Variants in KCND2 observed in about 807,000 individuals in gnomAD.
The protein encoded by KCND2 is potassium voltage-gated channel subfamily D member 2.
KCND2 carries 16 observed loss-of-function variants against 54.4 expected under a neutral mutation model. The ratio of observed to expected loss-of-function variants is 0.29; its 90% confidence interval spans 0.20 to 0.45. The LOEUF (loss-of-function observed/expected upper bound fraction) is 0.45, where lower values mean the gene tolerates loss of function less well. Among genes scored for constraint, KCND2 ranks in the 20% least tolerant of loss-of-function variants. KCND2 has a pLI of 1.00. For synonymous variants in KCND2, 317 were observed against 310.7 expected (o/e 1.02, Z -0.21); for missense variants, 486 against 824.2 (o/e 0.59, Z 5.02).
intron 1 of KCND2, among the ~76,000 whole-genome samples, chr7:120,285,793 C>T (rs1799333067): frequency 6.6e-6 from 1 of 151,722 alleles, no homozygotes; most frequent in Non-Finnish European, 1.5e-5. Context: ...CAGAAGATAA[C>T]ACAATAAATA....
Position 120,732,885 on chromosome 7 carries a change from A to AT in KCND2, c.1116-12dup. 1 of 1,602,392 alleles carries AT rather than the reference A, an allele frequency of 6.2e-7. No individual in the cohort carries two copies. Among genetic ancestry groups the AT allele is most frequent in the Non-Finnish European group, 8.5e-7 (1 of 1,169,976 alleles). On this transcript the variant is annotated splice_polypyrimidine_tract_variant and intron_variant, in intron 1 of 5. Transcript: ENST00000331113. ...CTGTGACTTAAAACAATATATATAT[A>AT]TTTTTTCTTTAACTCAGGTATGGTG...
chr7:120,418,611 C>T (rs1418931823), intron 1 of KCND2, among the ~76,000 whole-genome samples: 2 of 152,078 alleles, frequency 1.3e-5, no homozygotes, highest in African/African-American at 4.8e-5. Context: ...TGGGTGGGGA[C>T]CCTGGCATGG....
chr7:120,566,152 G>T (rs1447475560), intron 1 of KCND2, among the ~76,000 whole-genome samples: 1 of 151,974 alleles, frequency 6.6e-6, no homozygotes, highest in East Asian at 1.9e-4. Context: ...CTGCCACATT[G>T]GCATTAATAA....
At chr7:120,557,935 A>C (rs1792184508) in intron 1 of KCND2, among the ~76,000 whole-genome samples, 1 of 152,160 alleles carries the variant, frequency 6.6e-6, no homozygotes, top group South Asian at 2.1e-4. Context: ...TAAATACCAA[A>C]TTCCAAACTC....
chr7:120,746,420 A>G (rs1215426411), intron 5 of KCND2, among the ~76,000 whole-genome samples: 2 of 152,186 alleles, frequency 1.3e-5, no homozygotes, highest in African/African-American at 4.8e-5. Context: ...GCTAAAAATT[A>G]TTGAACAGCA....
At chr7:120,537,334 C>T (rs997849761) in intron 1 of KCND2, among the ~76,000 whole-genome samples, 2 of 152,172 alleles carry the variant, frequency 1.3e-5, no homozygotes, top group African/African-American at 4.8e-5. Flanking sequence ...GCTGTAAACC[C>T]ATATGCTGTC....
At chr7:120,295,761 A>T (rs556052989) in intron 1 of KCND2, among the ~76,000 whole-genome samples, 1 of 152,164 alleles carries the variant, frequency 6.6e-6, no homozygotes, top group East Asian at 1.9e-4. Flanking sequence ...AAACTTTATG[A>T]ATTAAGTGAA....
intron 1 of KCND2, among the ~76,000 whole-genome samples, chr7:120,504,466 T>A (rs1802985795): frequency 2.0e-5 from 3 of 151,954 alleles, no homozygotes; most frequent in Non-Finnish European, 4.4e-5. Flanking sequence ...CTTCTTATTG[T>A]AAATACCTAA....
Position 120,460,275 on chromosome 7 carries a change from T to C in KCND2, c.1115+184528T>C, listed in dbSNP as rs535363161. ...GAATGTAATTTAATTCAAACAACAA[T>C]ATTACAGTTCTAAATTATTATCCCC... On this transcript the variant is annotated intron_variant, in intron 1 of 5. Coordinates refer to ENST00000331113, the MANE Select transcript of KCND2 (RefSeq NM_012281.3). 2.0e-5 allele frequency among the ~76,000 whole-genome samples: 3 copies of C among 152,250 alleles called. No homozygotes were observed. The East Asian group carries it at 5.8e-4, about 29-fold the overall frequency.
intron 1 of KCND2, among the ~76,000 whole-genome samples, chr7:120,690,678 A>G (rs1792257772): frequency 6.6e-6 from 1 of 152,200 alleles, no homozygotes. Flanking sequence ...AACAAGCTAT[A>G]TTCCTAATAA....
rs1491438680 is a variant in KCND2, at chr7:120,443,356, AAT to A, written c.1115+167611_1115+167612del. Among the ~76,000 whole-genome samples the A allele has an allele frequency of 5.1e-4, 41 of 79,968 alleles. No individual in the cohort carries two copies. The East Asian group carries it at 0.01, about 20-fold the overall frequency. The allele number at this position is 79,968 out of a possible 152,430, so 52.5% of individuals were successfully genotyped here. Reference sequence around the variant, plus strand: ...TCTCCAAGAAATAACAATAATAAATAATAATAATAATAATAATAATAATAATA... The same window carrying A: ...TCTCCAAGAAATAACAATAATAAATAAATAATAATAATAATAATAATAATA... On this transcript the variant is annotated intron_variant, in intron 1 of 5. Coordinates refer to ENST00000331113, the MANE Select transcript of KCND2 (RefSeq NM_012281.3).
chr7:120,505,287 A>C (rs1802996820), intron 1 of KCND2, among the ~76,000 whole-genome samples: 1 of 151,754 alleles, frequency 6.6e-6, no homozygotes. Flanking sequence ...CTTCCCCTTA[A>C]CATCTATCTT....
intron 1 of KCND2, among the ~76,000 whole-genome samples, chr7:120,293,636 T>C (rs749165017): frequency 4.6e-5 from 7 of 151,962 alleles, no homozygotes; most frequent in Admixed American, 1.3e-4. Flanking sequence ...GCAATCATCA[T>C]TATTATCATC....
intron 1 of KCND2, among the ~76,000 whole-genome samples, chr7:120,363,617 G>GTC (rs1333715599): frequency 6.6e-6 from 1 of 152,052 alleles, no homozygotes; most frequent in Admixed American, 6.6e-5. Flanking sequence ...CCTAACTTGT[G>GTC]TCTCTGCTCA....
chr7:120,391,008 A>G (rs1427194710), intron 1 of KCND2, among the ~76,000 whole-genome samples: 2 of 152,008 alleles, frequency 1.3e-5, no homozygotes, highest in East Asian at 1.9e-4. Flanking sequence ...CTATCTACAC[A>G]TCATCTAGGT....
chr7:120,733,995 A>G (rs984168502), intron 2 of KCND2, among the ~76,000 whole-genome samples: 3 of 152,136 alleles, frequency 2.0e-5, no homozygotes, highest in African/African-American at 7.2e-5. Context: ...AATTAAATTG[A>G]AAAGTTTAAT....
intron 1 of KCND2, among the ~76,000 whole-genome samples, chr7:120,320,057 TTACC>T (rs1799871691): frequency 6.6e-6 from 1 of 152,088 alleles, no homozygotes. Flanking sequence ...GTCACTCAGT[TTACC>T]TGAGTGGTCC....
intron 1 of KCND2, among the ~76,000 whole-genome samples, chr7:120,658,867 C>T (rs557051173): frequency 2.0e-4 from 30 of 152,232 alleles, no homozygotes; most frequent in African/African-American, 7.0e-4. Flanking sequence ...AATTATGAAG[C>T]GTGTTAGGCA....
chr7:120,503,649 T>C (rs1215183422), intron 1 of KCND2, among the ~76,000 whole-genome samples: 1 of 151,992 alleles, frequency 6.6e-6, no homozygotes, highest in East Asian at 1.9e-4. Flanking sequence ...TTGCCCACGA[T>C]TCTGCTCATA....
Sources: allele counts gnomAD v4.1 joint callset (sites outside exome capture counted in the v4.1 genomes callset), GRCh38; gene constraint gnomAD v4.1.1; transcripts MANE v1.5; gene names NCBI Gene and HGNC (gene_info 2026-07-23, HGNC 2026-07-21).